Variants in CDK7 observed in about 807,000 individuals in gnomAD.
CDK7 encodes cyclin-dependent kinase 7.
A neutral mutation model predicts 49.1 loss-of-function variants in CDK7; 25 were observed. The observed-to-expected ratio is 0.51, with a 90% CI of 0.37 to 0.71. The LOEUF (loss-of-function observed/expected upper bound fraction) is 0.71, where lower values mean the gene tolerates loss of function less well. Among genes scored for constraint, CDK7 ranks in the 30% least tolerant of loss-of-function variants. The pLI, the probability that CDK7 is intolerant of heterozygous loss-of-function variation, is 0.00. For synonymous variants in CDK7, 107 were observed against 140.0 expected, an observed-to-expected ratio of 0.76 and a Z score of 1.67; for missense variants, 316 against 411.7, an observed-to-expected ratio of 0.77 and a Z score of 2.01.
chr5:69,243,549 G>A (rs561633598), intron 2 of CDK7, among the ~76,000 whole-genome samples: 1 of 152,084 alleles, frequency 6.6e-6, no homozygotes, highest in Non-Finnish European at 1.5e-5. Context: ...TAGCTTTGTT[G>A]TATGAAGTCG....
At chr5:69,264,991 C>T (rs929531407) in intron 8 of CDK7, among the ~76,000 whole-genome samples, 3 of 149,960 alleles carry the variant, frequency 2.0e-5, no homozygotes, top group East Asian at 2.0e-4. Context: ...AGGCCAGGCA[C>T]GGTGGCTCAC....
chr5:69,260,449 C>CTCTT (rs1561364705), intron 7 of CDK7, among the ~76,000 whole-genome samples: 1 of 152,088 alleles, frequency 6.6e-6, no homozygotes, highest in Admixed American at 6.5e-5. Flanking sequence ...CAAACAGAGT[C>CTCTT]TAACTTAATC....
At chr5:69,265,106 A>G (rs1466968800) in intron 8 of CDK7, among the ~76,000 whole-genome samples, 1 of 152,056 alleles carries the variant, frequency 6.6e-6, no homozygotes, top group East Asian at 1.9e-4. Context: ...TGTTGAAAAT[A>G]CAAAAAAAAT....
chr5:69,246,707 G>GTT (rs1275146467), intron 2 of CDK7, among the ~76,000 whole-genome samples: 2 of 140,226 alleles, frequency 1.4e-5, no homozygotes, highest in African/African-American at 5.8e-5. Context: ...TTTTGTTTTT[G>GTT]GTTTTTTTTT....
intron 2 of CDK7, among the ~76,000 whole-genome samples, chr5:69,246,127 AGTTTGTTTGTTT>A (rs546761443): frequency 6.6e-6 from 1 of 151,554 alleles, no homozygotes; most frequent in Non-Finnish European, 1.5e-5. Context: ...CAGGAGTGGA[AGTTTGTTTGTTT>A]GTTTGTTTGT....
At chr5:69,249,054 TTTC>T (rs1184065959) in intron 2 of CDK7, among the ~76,000 whole-genome samples, 8 of 152,070 alleles carry the variant, frequency 5.3e-5, no homozygotes, top group Non-Finnish European at 1.2e-4. Flanking sequence ...TTGAATTAAC[TTTC>T]TTCTTTGCCT....
chr5:69,239,789 G>T (rs2930951), intron 2 of CDK7, among the ~76,000 whole-genome samples: 1 of 151,634 alleles, frequency 6.6e-6, no homozygotes, highest in South Asian at 2.1e-4. Context: ...TTCTGTACTT[G>T]TAAAATTTTT....
At chr5:69,261,657 A>G (rs970054443) in intron 7 of CDK7, among the ~76,000 whole-genome samples, 1 of 151,964 alleles carries the variant, frequency 6.6e-6, no homozygotes, top group Non-Finnish European at 1.5e-5. Flanking sequence ...CAGCCTCCCA[A>G]GTAGCTGGGA....
intron 2 of CDK7, among the ~76,000 whole-genome samples, chr5:69,240,183 T>G (rs1749275029): frequency 2.6e-5 from 4 of 152,210 alleles, no homozygotes; most frequent in South Asian, 2.1e-4. Flanking sequence ...TTGTTTGTTT[T>G]TTTTCCCATT....
At chr5:69,270,667 G>T (rs1751468361) in intron 9 of CDK7, among the ~76,000 whole-genome samples, 1 of 152,108 alleles carries the variant, frequency 6.6e-6, no homozygotes, top group Non-Finnish European at 1.5e-5. Flanking sequence ...TTGTTCTCCA[G>T]CTCTGTAATT....
At chr5:69,257,170 T>C (rs1561361290) in intron 5 of CDK7, among the ~76,000 whole-genome samples, 1 of 152,098 alleles carries the variant, frequency 6.6e-6, no homozygotes, top group Non-Finnish European at 1.5e-5. Flanking sequence ...TTATGGGGGC[T>C]TTGGGGTAAA....
chr5:69,277,196 A>T lies in CDK7; in HGVS notation c.*61A>T, dbSNP rs1320724895. The T allele has an allele frequency of 7.9e-7, 1 of 1,271,842 alleles. No homozygotes were observed. Among genetic ancestry groups the T allele is most frequent in the East Asian group, 2.4e-5 (1 of 42,002 alleles). 78.8% of individuals were successfully genotyped at this position (1,271,842 alleles called of 1,614,324 possible). On this transcript the variant is annotated 3_prime_UTR_variant, in exon 12 of 12. Transcript: ENST00000256443. The stretch of plus-strand genomic sequence containing the variant: ...ATAGCCAAAAAGGCAAATAATGGAA[A>T]AATAGTAAACATTAAGTAAATGCTG...
chr5:69,261,488 C>CTGTGTGTGTGTGTGTGTGTGTG (rs376469145), intron 7 of CDK7, among the ~76,000 whole-genome samples: 21 of 120,256 alleles, frequency 1.7e-4, no homozygotes, highest in East Asian at 2.6e-4. Context: ...TGAAAAGGTT[C>CTGTGTGTGTGTGTGTGTGTGTG]TCTGTGTGTG....
At position 69,234,923 on chromosome 5, in the gene CDK7, T is replaced by C. The variant is rs1207337070; in HGVS notation, c.-53T>C. 3.9e-6 allele frequency: 6 copies of C among 1,532,292 alleles called. No homozygotes were observed. The highest frequency in any genetic ancestry group is 8.9e-7 in the Non-Finnish European group (1 of 1,126,720). 94.9% of individuals were successfully genotyped at this position (1,532,292 alleles called of 1,614,324 possible). A position where few individuals can be genotyped will look rare whatever the true frequency, so the allele number is the denominator to read the frequency against. The stretch of plus-strand genomic sequence containing the variant: ...AGGCTTTAAGGTAGCTTTAAATTCG[T>C]GTTGTCCTGGGAGCTCGCCCTTTTC... On this transcript the variant is annotated 5_prime_UTR_variant, in exon 1 of 12. Coordinates refer to ENST00000256443, the MANE Select transcript of CDK7 (RefSeq NM_001799.4).
At chr5:69,263,332 T>C (rs1398647951) in intron 8 of CDK7, among the ~76,000 whole-genome samples, 1 of 152,122 alleles carries the variant, frequency 6.6e-6, no homozygotes, top group Non-Finnish European at 1.5e-5. Context: ...AAACCAAGAT[T>C]GAATAGCTTT....
At chr5:69,270,190 C>T (rs1336832228) in intron 9 of CDK7, among the ~76,000 whole-genome samples, 1 of 152,004 alleles carries the variant, frequency 6.6e-6, no homozygotes, top group Non-Finnish European at 1.5e-5. Context: ...AATCCCAGCA[C>T]TTTGGGAGAC....
At chr5:69,243,453 GTAT>G (rs1354580901) in intron 2 of CDK7, among the ~76,000 whole-genome samples, 3 of 152,198 alleles carry the variant, frequency 2.0e-5, no homozygotes, top group African/African-American at 7.2e-5. Flanking sequence ...TGCTGTAGAT[GTAT>G]GGATTTTTTT....
chr5:69,265,824 C>A (rs1751116270), intron 8 of CDK7, among the ~76,000 whole-genome samples: 1 of 151,928 alleles, frequency 6.6e-6, no homozygotes, highest in African/African-American at 2.4e-5. Flanking sequence ...TTGGCAGGAT[C>A]ACTGGAACCT....
intron 5 of CDK7, among the ~76,000 whole-genome samples, chr5:69,257,158 G>A (rs1163315262): frequency 3.9e-5 from 6 of 152,110 alleles, no homozygotes; most frequent in African/African-American, 1.2e-4. Context: ...CCAGATCAGC[G>A]GTTATGGGGG....
Sources: allele counts gnomAD v4.1 joint callset (sites outside exome capture counted in the v4.1 genomes callset), GRCh38; gene constraint gnomAD v4.1.1; transcripts MANE v1.5; gene names NCBI Gene and HGNC (gene_info 2026-07-23, HGNC 2026-07-21).